RP1L1: variants seen among roughly 807,000 people sequenced by gnomAD.
RP1L1 encodes RP1 like 1.
A neutral mutation model predicts 15.7 loss-of-function variants in RP1L1; 27 were observed. That is an observed-to-expected ratio of 1.72 (90% confidence interval 1.27 to 2.38). The LOEUF (loss-of-function observed/expected upper bound fraction) is 2.38, where lower values mean the gene tolerates loss of function less well. RP1L1 is among the 30% of genes most tolerant of loss of function. The pLI is 0.00. For missense variants in RP1L1, 4,798 were observed against 3,075.9 expected (o/e 1.56, Z -13.24); for synonymous variants, 1,813 against 1,276.7 (o/e 1.42, Z -8.96).
chr8:10,621,510 G>GAT, intron 2 of RP1L1: 1 of 339,896 alleles, frequency 2.9e-6, no homozygotes, highest in Non-Finnish European at 5.8e-6. Context: ...ATTTTTAGTA[G>GAT]ATATAGGGTT....
intron 1 of RP1L1, among the ~76,000 whole-genome samples, chr8:10,624,054 C>T: frequency 6.6e-6 from 1 of 152,194 alleles, no homozygotes; most frequent in East Asian, 1.9e-4. Flanking sequence ...ACTGTCTTGT[C>T]CCCAGTATGA....
At position 10,607,466 on chromosome 8, in the gene RP1L1, C is replaced by A. The variant is rs1255232734; in HGVS notation, c.6632G>T (p.Gly2211Val). 1.2e-6 allele frequency: 2 copies of A among 1,611,022 alleles called. No homozygotes were observed. Among genetic ancestry groups the A allele is most frequent in the Admixed American group, 3.3e-5 (2 of 59,764 alleles). ...AEGEAQPELEGVEAPEAEEEA... is the reference protein window; with the variant it reads ...AEGEAQPELEVVEAPEAEEEA... Reference sequence around the variant, plus strand: ...CTCTTCAGCCTCCGGGGCCTCTACACCTTCTAACTCTGGTTGGGCCTCCCC... The same window carrying A: ...CTCTTCAGCCTCCGGGGCCTCTACAACTTCTAACTCTGGTTGGGCCTCCCC... The change falls in exon 4 of 4, where the codon GGT (glycine) becomes GTT (valine). Residue 2211 changes from glycine (G) to valine (V), a missense_variant. Coordinates refer to ENST00000382483, the MANE Select transcript of RP1L1 (RefSeq NM_178857.6).
intron 1 of RP1L1, among the ~76,000 whole-genome samples, chr8:10,642,886 A>G (rs985804066): frequency 6.6e-6 from 1 of 152,200 alleles, no homozygotes; most frequent in Non-Finnish European, 1.5e-5. Context: ...AAGAGAGGAG[A>G]GAACAATGCA....
chr8:10,608,630 T>C lies in RP1L1; in HGVS notation c.5468A>G (p.Asp1823Gly). ...CCCATCACTCTGTCCTGGATCTTGGTCACCTCCTGCCGCAGCTTCACCCTG... is the reference window on the plus strand; with the variant it reads ...CCCATCACTCTGTCCTGGATCTTGGCCACCTCCTGCCGCAGCTTCACCCTG... ...NLQGEAAAGG[D>G]QDPGQSDGAE... is the part of the protein sequence containing the mutation. The change falls in exon 4 of 4, where the codon GAC (aspartate) becomes GGC (glycine). Residue 1823 changes from aspartate to glycine, a missense_variant. Physicochemically the swap from Asp to Gly is moderately conservative, Grantham distance 94. Coordinates refer to ENST00000382483, the MANE Select transcript of RP1L1 (RefSeq NM_178857.6). 1 of 1,614,178 alleles carries C rather than the reference T, an allele frequency of 6.2e-7. No individual in the cohort carries two copies. Among genetic ancestry groups the C allele is most frequent in the Non-Finnish European group, 8.5e-7 (1 of 1,180,024 alleles).
At chr8:10,650,682 C>G (rs1440846372) in intron 1 of RP1L1, among the ~76,000 whole-genome samples, 1 of 152,044 alleles carries the variant, frequency 6.6e-6, no homozygotes, top group African/African-American at 2.4e-5. Flanking sequence ...CTGCCTCAGC[C>G]TCCCGAGTAG....
Position 10,609,865 on chromosome 8 carries a change from T to A in RP1L1, c.4233A>T (p.Ser1411=), listed in dbSNP as rs779074540. The A allele has an allele frequency of 3.1e-6, 5 of 1,614,206 alleles. No individual in the cohort carries two copies. In the East Asian group the frequency reaches 1.1e-4, roughly 36 times the overall value. ...CTTTCCCATCCGGAGAGCTGGCCTCTGACAATTCCTGCCCGTGGACGCTTC... is the reference window on the plus strand; with the variant it reads ...CTTTCCCATCCGGAGAGCTGGCCTCAGACAATTCCTGCCCGTGGACGCTTC... ...EEGSVHGQEL[S]EASSPDGKGS... The change falls in exon 4 of 4, where the codon TCA becomes TCT. Residue 1411 remains serine (S), a synonymous_variant. Coordinates refer to ENST00000382483, the MANE Select transcript of RP1L1 (RefSeq NM_178857.6).
intron 1 of RP1L1, among the ~76,000 whole-genome samples, chr8:10,629,161 C>T (rs972712071): frequency 6.6e-6 from 1 of 152,352 alleles, no homozygotes; most frequent in South Asian, 2.1e-4. Context: ...GTAGAAAGCT[C>T]TCTTGCCCAA....
chr8:10,623,489 T>A (rs1186476881), intron 1 of RP1L1, among the ~76,000 whole-genome samples: 1 of 151,416 alleles, frequency 6.6e-6, no homozygotes, highest in Non-Finnish European at 1.5e-5. Flanking sequence ...ACCACATGCC[T>A]TCAGAGTCAC....
intron 1 of RP1L1, among the ~76,000 whole-genome samples, chr8:10,631,211 A>ACC (rs1016521446): frequency 6.6e-6 from 1 of 151,920 alleles, no homozygotes; most frequent in African/African-American, 2.4e-5. Context: ...AAACACACAC[A>ACC]CACACACACA....
chr8:10,640,216 G>A (rs998333754), intron 1 of RP1L1, among the ~76,000 whole-genome samples: 1 of 152,216 alleles, frequency 6.6e-6, no homozygotes, highest in Non-Finnish European at 1.5e-5. Context: ...TCTTAGCAAT[G>A]ATGCTCTTCT....
intron 1 of RP1L1, among the ~76,000 whole-genome samples, chr8:10,631,312 C>G (rs1470112917): frequency 2.4e-5 from 2 of 82,142 alleles, no homozygotes; most frequent in Non-Finnish European, 6.1e-5. Flanking sequence ...CATGCACACA[C>G]ACGCACACAC....
chr8:10,609,412 C>A lies in RP1L1; in HGVS notation c.4686G>T (p.Gln1562His). 6.2e-7 allele frequency: 1 copy of A among 1,612,344 alleles called. No individual in the cohort carries two copies. Among genetic ancestry groups the A allele is most frequent in the Non-Finnish European group, 8.5e-7 (1 of 1,179,922 alleles). The stretch of plus-strand genomic sequence containing the variant: ...TGTCCTGGAGGCGTTGGGCCACGTC[C>A]TGCTGCAGCTCGGCCGCCATCTGGT... ...LLDQMAAELQ[Q>H]DVAQRLQDST... is the part of the protein sequence containing the mutation. The change falls in exon 4 of 4, where the codon CAG becomes CAT. Residue 1562 changes from glutamine (Q) to histidine (H), a missense_variant. Coordinates refer to ENST00000382483, the MANE Select transcript of RP1L1 (RefSeq NM_178857.6).
At position 10,608,347 on chromosome 8, in the gene RP1L1, T is replaced by C. The variant is rs781532627; in HGVS notation, c.5751A>G (p.Pro1917=). 1.2e-6 allele frequency: 2 copies of C among 1,611,782 alleles called. No individual in the cohort carries two copies. Among genetic ancestry groups the C allele is most frequent in the South Asian group, 2.2e-5 (2 of 90,926 alleles). ...EAPEAEKEAQ[P]ETESVEALET... ...CCAGGGCCTCTACACTTTCTGTCTC[T>C]GGCTGGGCCTCCTTTTCTGCCTCCG... Residue 1917 remains proline (P), a synonymous_variant, in exon 4 of 4, where the codon CCA becomes CCG. Coordinates refer to ENST00000382483, the MANE Select transcript of RP1L1 (RefSeq NM_178857.6).
chr8:10,633,670 A>T (rs1798286333), intron 1 of RP1L1, among the ~76,000 whole-genome samples: 1 of 152,130 alleles, frequency 6.6e-6, no homozygotes, highest in Non-Finnish European at 1.5e-5. Flanking sequence ...ATCCACCCAG[A>T]GCACCAGGAG....
chr8:10,611,588 G>C lies in RP1L1; in HGVS notation c.2510C>G (p.Ala837Gly). ...AGCCTCAGGGGAGGGTCCCCGCTGG[G>C]CCTCTTGGGCCGGCTGCGTCCCAGG... ...SQPGTQPAQEAQRGPSPEASW... is the reference protein window; with the variant it reads ...SQPGTQPAQEGQRGPSPEASW... Residue 837 changes from alanine (A) to glycine (G), a missense_variant, in exon 4 of 4, where the codon GCC becomes GGC. Coordinates refer to ENST00000382483, the MANE Select transcript of RP1L1 (RefSeq NM_178857.6). 1 of 1,611,154 alleles carries C rather than the reference G, an allele frequency of 6.2e-7. No homozygotes were observed. The highest frequency in any genetic ancestry group is 8.5e-7 in the Non-Finnish European group (1 of 1,179,110).
intron 1 of RP1L1, among the ~76,000 whole-genome samples, chr8:10,628,209 G>A (rs575208895): frequency 6.6e-6 from 1 of 152,156 alleles, no homozygotes; most frequent in Admixed American, 6.5e-5. Context: ...TTAAACCACA[G>A]GATCACTGAG....
rs767310527 is a variant in RP1L1, at chr8:10,609,190, C to A, written c.4908G>T (p.Glu1636Asp). The A allele has an allele frequency of 6.2e-7, 1 of 1,611,524 alleles. No homozygotes were observed. Among genetic ancestry groups the A allele is most frequent in the Non-Finnish European group, 8.5e-7 (1 of 1,179,544 alleles). Residue 1636 changes from glutamate (E) to aspartate (D), a missense_variant, in exon 4 of 4, where the codon GAG becomes GAT. By Grantham distance (45) the Glu-to-Asp change is conservative. Transcript: ENST00000382483. ...TCCCCAGGGCTGTGCTGAGGGCTGG[C>A]TCGTCCTCCAGGGTGAAGGAGAGGG... Reference protein sequence around the residue: ...LGPLSFTLEDEPALSTALGSQ... With the variant: ...LGPLSFTLEDDPALSTALGSQ...
Position 10,612,830 on chromosome 8 carries a change from C to A in RP1L1, c.1268G>T (p.Arg423Leu), listed in dbSNP as rs566321002. 3 of 1,612,328 alleles carry A rather than the reference C, an allele frequency of 1.9e-6. No individual in the cohort carries two copies. In the Admixed American group the frequency reaches 5.0e-5, roughly 27 times the overall value. Residue 423 changes from arginine (R) to leucine (L), a missense_variant, in exon 4 of 4, where the codon CGG becomes CTG. By Grantham distance (102) the Arg-to-Leu change is moderately radical. Transcript: ENST00000382483. ...HASQGERVAA[R>L]KRWGLAQHVR... ...GTGCTGGGCCAGTCCCCACCTCTTCCGAGCTGCCACTCTCTCTCCCTGGGA... is the reference window on the plus strand; with the variant it reads ...GTGCTGGGCCAGTCCCCACCTCTTCAGAGCTGCCACTCTCTCTCCCTGGGA...
intron 1 of RP1L1, among the ~76,000 whole-genome samples, chr8:10,624,845 T>G (rs1369335929): frequency 6.6e-6 from 1 of 152,192 alleles, no homozygotes; most frequent in Non-Finnish European, 1.5e-5. Flanking sequence ...GGGTTTGAGT[T>G]GGGGTTTCTG....
Sources: gnomAD v4.1 joint callset for allele counts (sites outside exome capture counted in the v4.1 genomes callset) on GRCh38, gnomAD v4.1.1 for gene constraint, MANE v1.5 for transcripts, NCBI Gene and HGNC (gene_info 2026-07-23, HGNC 2026-07-21) for gene names.